The following FHAD1 variants were observed in gnomAD, a reference collection of about 807,000 sequenced individuals.
FHAD1 encodes forkhead associated phosphopeptide binding domain 1, also known as forkhead-associated domain-containing protein 1.
FHAD1 carries 146 observed loss-of-function variants against 191.3 expected under a neutral mutation model. The ratio of observed to expected loss-of-function variants is 0.76; its 90% CI spans 0.67 to 0.88. The LOEUF is 0.88. Among genes scored for constraint, FHAD1 ranks in the 40% least tolerant of loss-of-function variants. FHAD1 has a pLI of 0.00. For synonymous variants in FHAD1, 616 were observed against 672.3 expected, an observed-to-expected ratio of 0.92 and a Z score of 1.29; for missense variants, 1,635 against 1,785.8, an observed-to-expected ratio of 0.92 and a Z score of 1.52.
intron 31 of FHAD1, chr1:15,383,725 G>A (rs992024408): frequency 3.3e-6 from 1 of 305,432 alleles, no homozygotes; most frequent in African/African-American, 2.2e-5. Flanking sequence ...CAGGGACTGG[G>A]CTCACCTGAG....
Position 15,341,746 on chromosome 1 carries a change from A to G in FHAD1, c.1988A>G (p.Asn663Ser). The G allele has an allele frequency of 6.4e-7, 1 of 1,550,528 alleles. No homozygotes were observed. Among genetic ancestry groups the G allele is most frequent in the Non-Finnish European group, 8.7e-7 (1 of 1,146,380 alleles). Residue 663 changes from asparagine to serine, a missense_variant, in exon 16 of 34, where the codon AAC (asparagine) becomes AGC (serine). Coordinates refer to ENST00000688493, the MANE Select transcript of FHAD1 (RefSeq NM_001391957.1). ...TTTCTCACATTTCAGATCAAGTTCA[A>G]CAGTTCTCAGGAAACTCAGCAGTCT... ...SQAQELQIKFNSSQETQQSLL... is the reference protein window; with the variant it reads ...SQAQELQIKFSSSQETQQSLL...
chr1:15,353,453 C>G (rs76072881), intron 20 of FHAD1, among the ~76,000 whole-genome samples: 4,422 of 151,866 alleles, frequency 0.029, 192 homozygotes, highest in African/African-American at 0.096. Context: ...ACATGTAATC[C>G]CAGCATTTTG....
chr1:15,275,966 C>T (rs1161765656), intron 3 of FHAD1, among the ~76,000 whole-genome samples: 1 of 152,236 alleles, frequency 6.6e-6, no homozygotes, highest in East Asian at 1.9e-4. Context: ...CCATAACCAA[C>T]AGAGAGGGAC....
chr1:15,239,250 G>A (rs1645101133), intron 1 of FHAD1, among the ~76,000 whole-genome samples: 1 of 152,060 alleles, frequency 6.6e-6, no homozygotes, highest in Non-Finnish European at 1.5e-5. Flanking sequence ...AATGTTGGCT[G>A]CATGTCAGGT....
At chr1:15,354,130 G>A (rs1691894495) in intron 20 of FHAD1, among the ~76,000 whole-genome samples, 3 of 152,284 alleles carry the variant, frequency 2.0e-5, no homozygotes, top group African/African-American at 7.2e-5. Flanking sequence ...ATCAACCTTG[G>A]ATCATTTTCT....
chr1:15,314,120 C>T (rs1673201807), intron 8 of FHAD1, among the ~76,000 whole-genome samples: 1 of 150,588 alleles, frequency 6.6e-6, no homozygotes. Flanking sequence ...CAAAATGTAC[C>T]TCAATGCTCT....
rs901247601 is a variant in FHAD1 at position 15,388,003 on chromosome 1, AC to A, written c.4189-47del. Reference sequence around the variant, plus strand: ...CTGTCCCAGATTGGAACGGGTAAGGACACACTAAGGTTAGCACTCTCTTGCT... The same window carrying A: ...CTGTCCCAGATTGGAACGGGTAAGGAACACTAAGGTTAGCACTCTCTTGCT... On this transcript the variant is annotated intron_variant, in intron 31 of 33. Transcript: ENST00000688493. 1.8e-5 allele frequency: 20 copies of A among 1,096,328 alleles called. No individual in the cohort carries two copies. In the Admixed American group the frequency reaches 3.5e-4, roughly 19 times the overall value. 67.9% of individuals were successfully genotyped at this position (1,096,328 alleles called of 1,614,324 possible).
intron 19 of FHAD1, 135 bp from the exon 20 acceptor site, chr1:15,352,741 TG>T: frequency 1.5e-6 from 1 of 651,668 alleles, no homozygotes; most frequent in Non-Finnish European, 2.7e-6. Flanking sequence ...CTGTCCCCAG[TG>T]GGTGCTTTGT....
At chr1:15,278,001 G>A (rs1382819903) in intron 3 of FHAD1, among the ~76,000 whole-genome samples, 5 of 152,032 alleles carry the variant, frequency 3.3e-5, no homozygotes, top group African/African-American at 7.3e-5. Context: ...CACATTTTTC[G>A]GGGTTATAGA....
At chr1:15,386,599 C>T (rs1702138825) in intron 31 of FHAD1, among the ~76,000 whole-genome samples, 2 of 152,246 alleles carry the variant, frequency 1.3e-5, no homozygotes, top group Non-Finnish European at 2.9e-5. Context: ...GGCCAGCTCC[C>T]CTTCCGGGCT....
chr1:15,367,378 C>A, intron 24 of FHAD1, 85 bp from the exon 25 acceptor site: 1 of 1,443,304 alleles, frequency 6.9e-7, no homozygotes, highest in Non-Finnish European at 9.3e-7. Flanking sequence ...TGCCCGTAAT[C>A]CCACGTACAC....
chr1:15,389,929 T>C (rs1703447803), intron 32 of FHAD1, among the ~76,000 whole-genome samples: 1 of 152,224 alleles, frequency 6.6e-6, no homozygotes, highest in Admixed American at 6.5e-5. Context: ...GGGTATCCTG[T>C]ATTTTATCTG....
At chr1:15,375,761 T>C (rs1699399151) in intron 28 of FHAD1, 31 bp downstream of exon 28, 2 of 1,515,618 alleles carry the variant, frequency 1.3e-6, no homozygotes, top group African/African-American at 1.4e-5. Flanking sequence ...CTGCTGTGAC[T>C]GGCATGTGGA....
chr1:15,351,562 A>T (rs908464169), intron 19 of FHAD1, among the ~76,000 whole-genome samples: 1 of 152,136 alleles, frequency 6.6e-6, no homozygotes, highest in Non-Finnish European at 1.5e-5. Context: ...AAACAGGGAT[A>T]ATCAGATAGA....
chr1:15,356,927 C>T (rs1019875346), intron 20 of FHAD1, among the ~76,000 whole-genome samples: 16 of 151,988 alleles, frequency 1.1e-4, no homozygotes, highest in African/African-American at 3.6e-4. Context: ...TCAATGTCAT[C>T]GAACAATCTT....
intron 2 of FHAD1, among the ~76,000 whole-genome samples, chr1:15,252,744 G>A (rs940869643): frequency 1.1e-4 from 16 of 152,300 alleles, no homozygotes; most frequent in Non-Finnish European, 1.8e-4. Flanking sequence ...GGGAGGCCAC[G>A]GAGCTCCAAG....
In FHAD1 at chr1:15,301,449, G is replaced by C. The variant is rs1668728338; in HGVS notation, c.915+8G>C. On this transcript the variant is annotated splice_region_variant and intron_variant, in intron 6 of 33. Transcript: ENST00000688493. ...CAGAGCTTGAAAAGCCAGGTAGGCA[G>C]AGCCTGAGAGGTACAGCACAGCTCT... 2 of 1,551,056 alleles carry C rather than the reference G, an allele frequency of 1.3e-6. No homozygotes were observed. The highest frequency in any genetic ancestry group is 1.7e-6 in the Non-Finnish European group (2 of 1,146,758).
In FHAD1 at chr1:15,388,050, G is replaced by A. The variant is rs375350635; in HGVS notation, c.4189-1G>A. 68 of 1,289,066 alleles carry A rather than the reference G, an allele frequency of 5.3e-5. 1 individual carries two copies. The East Asian group carries it at 2.7e-3, about 52-fold the overall frequency. The allele number at this position is 1,289,066 out of a possible 1,614,324, so 79.9% of individuals were successfully genotyped here. A position where few individuals can be genotyped will look rare whatever the true frequency, so the allele number is the denominator to read the frequency against. ...TTGCTAACCTGATACTTTTCACTCA[G>A]GAAAGTGTAGAGGAGCACGAACTGA... is the stretch of plus-strand genomic sequence containing the variant. On this transcript the variant is annotated splice_acceptor_variant, in intron 31 of 33. Transcript: ENST00000688493. LOFTEE classifies it high-confidence loss of function.
chr1:15,264,712 A>G (rs2101052757), intron 2 of FHAD1, among the ~76,000 whole-genome samples: 1 of 152,204 alleles, frequency 6.6e-6, no homozygotes, highest in Non-Finnish European at 1.5e-5. Flanking sequence ...GTACTATTTC[A>G]AATAGAAGTG....
Sources: allele counts gnomAD v4.1 joint callset (sites outside exome capture counted in the v4.1 genomes callset), GRCh38; gene constraint gnomAD v4.1.1; transcripts MANE v1.5; gene names NCBI Gene and HGNC (gene_info 2026-07-23, HGNC 2026-07-21).